Variants in SPTBN1 observed in about 807,000 individuals in gnomAD.
The protein encoded by SPTBN1 is spectrin beta chain, non-erythrocytic 1.
In SPTBN1, 32 loss-of-function variants were observed where a neutral mutation model predicts 266.4. The ratio of observed to expected loss-of-function variants is 0.12; its 90% CI spans 0.09 to 0.16. SPTBN1 has a LOEUF of 0.16. Ranked by LOEUF, SPTBN1 falls within the 10% of genes least tolerant of loss-of-function variation. The probability of loss-of-function intolerance (pLI) is 1.00; values close to 1 mark genes in which losing one functional copy is unlikely to be tolerated. For missense variants in SPTBN1, 2,296 were observed against 3,067.1 expected (o/e 0.75, Z 5.94); for synonymous variants, 1,336 against 1,162.2 (o/e 1.15, Z -3.04).
chr2:54,542,553 G>T (rs187172952), intron 2 of SPTBN1, among the ~76,000 whole-genome samples: 40 of 152,328 alleles, frequency 2.6e-4, no homozygotes, highest in Admixed American at 2.3e-3. Context: ...TCCCCAGGGG[G>T]CTCAAGGCCA....
intron 1 of SPTBN1, among the ~76,000 whole-genome samples, chr2:54,522,642 AAGAAAGAGAGAGAGAAAGAGAGAG>A (rs1252777043): frequency 1.3e-5 from 1 of 79,866 alleles, no homozygotes; most frequent in South Asian, 4.2e-4. Context: ...AAAAGAAAGA[AAGAAAGAGAGAGAGAAAGAGAGAG>A]AGAGAGAGAG....
intron 3 of SPTBN1, among the ~76,000 whole-genome samples, chr2:54,609,422 T>C (rs1037823837): frequency 3.3e-5 from 5 of 152,226 alleles, no homozygotes; most frequent in Admixed American, 2.0e-4. Context: ...TGGACATCAT[T>C]TTCTTCAGCA....
At chr2:54,475,705 G>A (rs1015493264) in intron 1 of SPTBN1, among the ~76,000 whole-genome samples, 1 of 152,132 alleles carries the variant, frequency 6.6e-6, no homozygotes, top group Non-Finnish European at 1.5e-5. Context: ...TCATCATTTA[G>A]TATTTTCCAC....
chr2:54,581,470 A>G (rs777800877), intron 2 of SPTBN1, among the ~76,000 whole-genome samples: 2 of 151,686 alleles, frequency 1.3e-5, no homozygotes, highest in Non-Finnish European at 2.9e-5. Flanking sequence ...ATCATGGCTG[A>G]CATTGAACTT....
chr2:54,551,563 T>C (rs1672566298), intron 2 of SPTBN1, among the ~76,000 whole-genome samples: 1 of 152,232 alleles, frequency 6.6e-6, no homozygotes, highest in Non-Finnish European at 1.5e-5. Context: ...TTGTTTCCAG[T>C]GTAACTTGCC....
chr2:54,484,589 A>G (rs1224426090), intron 1 of SPTBN1, among the ~76,000 whole-genome samples: 3 of 152,234 alleles, frequency 2.0e-5, no homozygotes, highest in Non-Finnish European at 4.4e-5. Flanking sequence ...GTTGATGACA[A>G]GTGTCTTCTG....
chr2:54,583,533 A>G (rs1675087365), intron 2 of SPTBN1, among the ~76,000 whole-genome samples: 2 of 152,122 alleles, frequency 1.3e-5, no homozygotes, highest in Admixed American at 6.5e-5. Flanking sequence ...CATGGTTTGA[A>G]AACTACTCCC....
At chr2:54,476,953 C>T (rs1480421897) in intron 1 of SPTBN1, among the ~76,000 whole-genome samples, 1 of 151,988 alleles carries the variant, frequency 6.6e-6, no homozygotes, top group African/African-American at 2.4e-5. Flanking sequence ...TAAACTTTGA[C>T]CACATATCTT....
chr2:54,560,192 G>T (rs1379070989), intron 2 of SPTBN1, among the ~76,000 whole-genome samples: 1 of 144,806 alleles, frequency 6.9e-6, no homozygotes, highest in Non-Finnish European at 1.5e-5. Flanking sequence ...TGGGGTGGGG[G>T]GGGGCGTTCA....
chr2:54,519,629 C>G lies in SPTBN1; in HGVS notation c.-47-6743C>G, dbSNP rs555538349. ...AGGTCCTCGTGAAGAATCTCATTTT[C>G]TCTCCTAAGGCTTCTTGGCATTATT... On this transcript the variant is annotated intron_variant, in intron 1 of 35. Transcript: ENST00000356805. Among the ~76,000 whole-genome samples the G allele has an allele frequency of 2.6e-5, 4 of 152,314 alleles. No individual in the cohort carries two copies. In the South Asian group the frequency reaches 6.2e-4, roughly 24 times the overall value.
At chr2:54,466,210 A>G (rs542345291) in intron 1 of SPTBN1, among the ~76,000 whole-genome samples, 9 of 152,346 alleles carry the variant, frequency 5.9e-5, no homozygotes, top group African/African-American at 2.2e-4. Context: ...GTTAGGCAGT[A>G]AAATATGTAT....
rs141019689 is a variant in SPTBN1, at chr2:54,533,924, A to G, written c.148+7358A>G. On this transcript the variant is annotated intron_variant, in intron 2 of 35. Transcript: ENST00000356805. This position sits in a 1 kb window ranked among gnomAD's most constrained non-coding sequence, Gnocchi z 4.2. ...CTCACACACACACACACACACACAC[A>G]CACGCACGCACGCACACAAACACAC... 0.054 allele frequency among the ~76,000 whole-genome samples: 5,632 copies of G among 104,908 alleles called. 154 individuals are homozygous for G. The highest frequency in any genetic ancestry group is 0.13 in the Admixed American group (1,374 of 10,504). 68.8% of individuals were successfully genotyped at this position (104,908 alleles called of 152,430 possible). A position where few individuals can be genotyped will look rare whatever the true frequency, so the allele number is the denominator to read the frequency against.
Position 54,526,409 on chromosome 2 carries a change from A to T in SPTBN1, c.-10A>T. On this transcript the variant is annotated 5_prime_UTR_variant, in exon 2 of 36. Coordinates refer to ENST00000356805, the MANE Select transcript of SPTBN1 (RefSeq NM_003128.3). ...GAGCTGATGTGGAGGAGCAGCTGAG[A>T]CAGTTCAAGATGACGACCACAGTAG... 1 of 1,613,724 alleles carries T rather than the reference A, an allele frequency of 6.2e-7. No individual in the cohort carries two copies. The highest frequency in any genetic ancestry group is 1.1e-5 in the South Asian group (1 of 91,016).
intron 2 of SPTBN1, among the ~76,000 whole-genome samples, chr2:54,587,927 T>A (rs2104608053): frequency 6.6e-6 from 1 of 152,324 alleles, no homozygotes; most frequent in South Asian, 2.1e-4. Flanking sequence ...CTACTGAGCA[T>A]TAACCTGGCA....
chr2:54,562,722 G>GTGTGTGTGTGTA (rs1673395069), intron 2 of SPTBN1, among the ~76,000 whole-genome samples: 1 of 150,250 alleles, frequency 6.7e-6, no homozygotes, highest in African/African-American at 2.5e-5. Flanking sequence ...GTGTGTGTGT[G>GTGTGTGTGTGTA]TGTGTGTGTG....
intron 1 of SPTBN1, among the ~76,000 whole-genome samples, chr2:54,483,422 T>G (rs1469997880): frequency 2.0e-5 from 3 of 152,280 alleles, no homozygotes; most frequent in East Asian, 3.9e-4. Context: ...TACCAAAGGA[T>G]GCGGATTTTC....
At chr2:54,621,605 A>G (rs1348199891) in intron 8 of SPTBN1, 93 bp downstream of exon 8, 4 of 938,610 alleles carry the variant, frequency 4.3e-6, no homozygotes, top group Non-Finnish European at 5.1e-6. Context: ...GCCAATAGCA[A>G]TTTGTAGTGG....
chr2:54,485,694 C>A (rs1186491632), intron 1 of SPTBN1, among the ~76,000 whole-genome samples: 1 of 151,676 alleles, frequency 6.6e-6, no homozygotes, highest in African/African-American at 2.4e-5. Context: ...GCTGCCCAGT[C>A]TGGAAAGTGA....
At chr2:54,477,886 G>C (rs1309604735) in intron 1 of SPTBN1, among the ~76,000 whole-genome samples, 1 of 151,772 alleles carries the variant, frequency 6.6e-6, no homozygotes, top group Non-Finnish European at 1.5e-5. Context: ...ATTCCAGCCT[G>C]GGTGACAGAG....
Sources: gnomAD v4.1 joint callset for allele counts (sites outside exome capture counted in the v4.1 genomes callset) on GRCh38, gnomAD v4.1.1 for gene constraint, Gnocchi (gnomAD v3.1) non-coding constraint, MANE v1.5 for transcripts, NCBI Gene and HGNC (gene_info 2026-07-23, HGNC 2026-07-21) for gene names.